Variants in DYNC2LI1 observed in about 807,000 individuals in gnomAD.
DYNC2LI1 encodes the protein cytoplasmic dynein 2 light intermediate chain 1.
DYNC2LI1 carries 45 observed loss-of-function variants against 51.9 expected under a neutral mutation model. That is an observed-to-expected ratio of 0.87 (90% confidence interval 0.68 to 1.11). The LOEUF is 1.11. Ranked by LOEUF, DYNC2LI1 falls within the 50% of genes most tolerant of loss-of-function variation. The pLI, the probability that DYNC2LI1 is intolerant of heterozygous loss-of-function variation, is 0.00. For synonymous variants in DYNC2LI1, 130 were observed against 137.8 expected (o/e 0.94, Z 0.40); for missense variants, 490 against 417.4 (o/e 1.17, Z -1.51).
At chr2:43,820,199 T>C in the DYNC2LI1 span, 1 of 1,434,708 alleles carries the variant, frequency 7.0e-7, no homozygotes, top group East Asian at 2.5e-5. Flanking sequence ...GGTGAGTGGG[T>C]GGGAGAAGTT....
chr2:43,808,171 T>C (rs1049166011), intron 12 of DYNC2LI1, among the ~76,000 whole-genome samples: 2 of 152,024 alleles, frequency 1.3e-5, no homozygotes, highest in African/African-American at 2.4e-5. Flanking sequence ...TGAACTGAAT[T>C]AGCTTTATTA....
downstream of DYNC2LI1, chr2:43,813,206 C>T (rs1666572321): frequency 6.2e-7 from 1 of 1,608,054 alleles, no homozygotes; most frequent in African/African-American, 1.3e-5. Flanking sequence ...TCAGAAAGTT[C>T]ATTGTGAATC....
downstream of DYNC2LI1, chr2:43,813,136 C>T: frequency 7.6e-7 from 1 of 1,322,508 alleles, no homozygotes; most frequent in Non-Finnish European, 1.1e-6. Context: ...ATGAGATGAT[C>T]CCTTATTTTG....
At chr2:43,811,379 T>C (rs931328653), downstream of DYNC2LI1, among the ~76,000 whole-genome samples, 3 of 152,340 alleles carry the variant, frequency 2.0e-5, no homozygotes, top group South Asian at 6.2e-4. Context: ...TGTGGTTTCC[T>C]TAATGAAATG....
chr2:43,811,075 C>T (rs1666464018), downstream of DYNC2LI1, among the ~76,000 whole-genome samples: 1 of 152,120 alleles, frequency 6.6e-6, no homozygotes, highest in Admixed American at 6.5e-5. Flanking sequence ...AATTCATCTG[C>T]ATATGAATAG....
chr2:43,789,670 G>C lies in DYNC2LI1; in HGVS notation c.269G>C (p.Gly90Ala). The C allele has an allele frequency of 6.2e-7, 1 of 1,613,830 alleles. No homozygotes were observed. Among genetic ancestry groups the C allele is most frequent in the Non-Finnish European group, 8.5e-7 (1 of 1,179,898 alleles). Residue 90 changes from glycine (G) to alanine (A), a missense_variant, in exon 5 of 13, where the codon GGA (glycine) becomes GCA (alanine). Physicochemically the swap from Gly to Ala is moderately conservative, Grantham distance 60 (BLOSUM62 0). Coordinates refer to ENST00000260605, the MANE Select transcript of DYNC2LI1 (RefSeq NM_016008.4). ...DIAHFWELGG[G>A]TSLLDLISIP... ...GCTCACTTTTGGGAACTCGGTGGAG[G>C]AACCTCTTTATTGGACTTAATCAGC...
intron 8 of DYNC2LI1, among the ~76,000 whole-genome samples, chr2:43,800,423 T>C (rs865949428): frequency 5.9e-5 from 9 of 152,322 alleles, no homozygotes; most frequent in East Asian, 1.9e-4. Flanking sequence ...ATGTGAAAGC[T>C]ACTTTTGAGG....
chr2:43,793,834 ATGG>A (rs1350006203), intron 5 of DYNC2LI1: 1 of 152,386 alleles, frequency 6.6e-6, no homozygotes, highest in African/African-American at 2.4e-5. Context: ...GCATGTGGTG[ATGG>A]TGGTCATGTA....
At position 43,788,801 on chromosome 2, in the gene DYNC2LI1, T is replaced by A. The variant is rs1024121989; in HGVS notation, c.232-832T>A. Among the ~76,000 whole-genome samples, 5 of 152,186 alleles carry A rather than the reference T, an allele frequency of 3.3e-5. 1 individual carries two copies. The highest frequency in any genetic ancestry group is 9.6e-5 in the African/African-American group (4 of 41,518). ...CATGTACCACCACACTCAGCTAATT[T>A]AAAAAAATTGTTTATAGTGATGGAG... is the stretch of plus-strand genomic sequence containing the variant. On this transcript the variant is annotated intron_variant, in intron 4 of 12. Coordinates refer to ENST00000260605, the MANE Select transcript of DYNC2LI1 (RefSeq NM_016008.4).
downstream of DYNC2LI1, chr2:43,814,474 T>C (rs753728180): frequency 6.3e-7 from 1 of 1,577,466 alleles, no homozygotes; most frequent in East Asian, 2.2e-5. Context: ...ATAGAATACT[T>C]ACCACAAGTG....
At chr2:43,806,174 G>A (rs920066966) in intron 12 of DYNC2LI1, among the ~76,000 whole-genome samples, 1 of 152,136 alleles carries the variant, frequency 6.6e-6, no homozygotes, top group Non-Finnish European at 1.5e-5. Context: ...GAGCCAGTGC[G>A]CCTGGCCTAG....
At chr2:43,786,992 A>G (rs1673553161) in intron 3 of DYNC2LI1, among the ~76,000 whole-genome samples, 189 bp from the exon 4 acceptor site, 1 of 152,248 alleles carries the variant, frequency 6.6e-6, no homozygotes, top group African/African-American at 2.4e-5. Context: ...ATGTGCTGTT[A>G]AAATCCACTA....
At chr2:43,788,240 A>G (rs1278114455) in intron 4 of DYNC2LI1, among the ~76,000 whole-genome samples, 1 of 152,234 alleles carries the variant, frequency 6.6e-6, no homozygotes, top group African/African-American at 2.4e-5. Flanking sequence ...TCCCACAAAA[A>G]TTAATGATTC....
chr2:43,815,550 C>A, the DYNC2LI1 span, among the ~76,000 whole-genome samples: 1 of 152,122 alleles, frequency 6.6e-6, no homozygotes, highest in South Asian at 2.1e-4. Context: ...TTTCCTAAGG[C>A]ACAACATTGA....
chr2:43,822,571 C>T, the DYNC2LI1 span: 1 of 985,084 alleles, frequency 1.0e-6, no homozygotes, highest in East Asian at 1.1e-4. Context: ...CATTCCCAGG[C>T]ACATGTCATC....
the DYNC2LI1 span, among the ~76,000 whole-genome samples, chr2:43,823,332 C>A: frequency 7.2e-6 from 1 of 138,570 alleles, no homozygotes; most frequent in East Asian, 2.3e-4. Context: ...CTCGGAAGGC[C>A]AGGCAAACCC....
At chr2:43,821,965 C>T in the DYNC2LI1 span, among the ~76,000 whole-genome samples, 1 of 152,096 alleles carries the variant, frequency 6.6e-6, no homozygotes, top group African/African-American at 2.4e-5. Flanking sequence ...CCTATCCCTA[C>T]CTTGGTCTAC....
intron 3 of DYNC2LI1, 122 bp from the exon 4 acceptor site, chr2:43,787,059 A>G: frequency 1.5e-6 from 1 of 685,142 alleles, no homozygotes; most frequent in East Asian, 2.7e-5. Context: ...CAACGCTATT[A>G]TACAAGGTAA....
chr2:43,802,379 T>G (rs1194111835), intron 10 of DYNC2LI1, among the ~76,000 whole-genome samples: 2 of 151,944 alleles, frequency 1.3e-5, no homozygotes, highest in Non-Finnish European at 2.9e-5. Context: ...GTAGGGTTTT[T>G]TTTTTTTTTT....
Sources: allele counts gnomAD v4.1 joint callset (sites outside exome capture counted in the v4.1 genomes callset), GRCh38; gene constraint gnomAD v4.1.1; transcripts MANE v1.5; gene names NCBI Gene and HGNC (gene_info 2026-07-23, HGNC 2026-07-21).